FAXC: variants seen among roughly 807,000 people sequenced by gnomAD.
The protein encoded by FAXC is failed axon connections homolog, metaxin like GST domain containing.
Under a neutral mutation model 41.9 loss-of-function variants are expected in FAXC, and 10 were observed. That is an observed-to-expected ratio of 0.24 (90% CI 0.15 to 0.41). The LOEUF is 0.41. Ranked by LOEUF, FAXC falls within the 10% of genes least tolerant of loss-of-function variation. The pLI is 1.00. For missense variants in FAXC, 399 were observed against 510.9 expected (o/e 0.78, Z 2.11); for synonymous variants, 183 against 183.8 (o/e 1.00, Z 0.03).
At chr6:99,293,385 C>T (rs912812837) in intron 4 of FAXC, among the ~76,000 whole-genome samples, 1 of 152,210 alleles carries the variant, frequency 6.6e-6, no homozygotes, top group African/African-American at 2.4e-5. Context: ...CACCACTTCT[C>T]TCGAATCAAT....
chr6:99,298,174 G>C (rs1484822674), intron 4 of FAXC, among the ~76,000 whole-genome samples: 1 of 152,038 alleles, frequency 6.6e-6, no homozygotes, highest in East Asian at 1.9e-4. Flanking sequence ...GAAGTACTGG[G>C]CTAGAGTATA....
chr6:99,313,501 A>C (rs879795614), intron 4 of FAXC, among the ~76,000 whole-genome samples: 1 of 152,054 alleles, frequency 6.6e-6, no homozygotes, highest in Non-Finnish European at 1.5e-5. Context: ...TACCCTTTCA[A>C]CTTTAAATAT....
chr6:99,345,223 G>A (rs748825794), intron 1 of FAXC, among the ~76,000 whole-genome samples: 1 of 152,178 alleles, frequency 6.6e-6, no homozygotes, highest in Non-Finnish European at 1.5e-5. Flanking sequence ...ACTGAAGCCT[G>A]AAACTTTCTG....
At chr6:99,336,241 AT>A (rs113973057) in intron 2 of FAXC, among the ~76,000 whole-genome samples, 8 of 151,334 alleles carry the variant, frequency 5.3e-5, no homozygotes, top group East Asian at 1.9e-4. Context: ...AAAAATGTTG[AT>A]TTTTTTTCTT....
At chr6:99,322,395 C>T in intron 4 of FAXC, among the ~76,000 whole-genome samples, 1 of 152,186 alleles carries the variant, frequency 6.6e-6, no homozygotes, top group East Asian at 1.9e-4. Context: ...GGCCTCTACC[C>T]AGCATGGCTT....
intron 4 of FAXC, among the ~76,000 whole-genome samples, chr6:99,304,024 G>A (rs1011976531): frequency 1.3e-5 from 2 of 152,214 alleles, no homozygotes; most frequent in Non-Finnish European, 1.5e-5. Context: ...GCTCATGCCT[G>A]TAATCCCAAC....
chr6:99,320,634 A>G (rs1191156850), intron 4 of FAXC, among the ~76,000 whole-genome samples: 1 of 152,206 alleles, frequency 6.6e-6, no homozygotes, highest in African/African-American at 2.4e-5. Flanking sequence ...TCTGTATTAT[A>G]AAGTATACAT....
rs1771140968 is a variant in FAXC, at chr6:99,289,260, T to C, written c.940+2444A>G. Among the ~76,000 whole-genome samples the C allele has an allele frequency of 2.0e-5, 3 of 152,176 alleles. No homozygotes were observed. The South Asian group carries it at 6.2e-4, about 31-fold the overall frequency. On this transcript the variant is annotated intron_variant, in intron 5 of 5. Transcript: ENST00000389677. ...GCCTCAAACAGTTCCCATGCAACTA[T>C]GCAGGGGAAGCCTCTCCCAGAGGCC...
intron 4 of FAXC, among the ~76,000 whole-genome samples, chr6:99,314,873 C>A (rs760804955): frequency 1.2e-4 from 18 of 152,080 alleles, no homozygotes; most frequent in Non-Finnish European, 2.2e-4. Flanking sequence ...CACTGTCCCA[C>A]CCTTGTTGCC....
At chr6:99,336,370 G>C (rs973756197) in intron 2 of FAXC, among the ~76,000 whole-genome samples, 7 of 151,958 alleles carry the variant, frequency 4.6e-5, no homozygotes, top group African/African-American at 1.7e-4. Context: ...CCAGGTGCTG[G>C]GATTACAGGC....
intron 1 of FAXC, among the ~76,000 whole-genome samples, chr6:99,343,409 T>C (rs112092142): frequency 5.3e-5 from 8 of 152,336 alleles, no homozygotes; most frequent in African/African-American, 1.9e-4. Flanking sequence ...GCTGGATGGA[T>C]AAAAATGATA....
chr6:99,317,404 T>A (rs1772400314), intron 4 of FAXC, among the ~76,000 whole-genome samples: 1 of 152,202 alleles, frequency 6.6e-6, no homozygotes, highest in South Asian at 2.1e-4. Context: ...TAATCAAACG[T>A]ACTTAAAAAT....
chr6:99,280,189 T>G lies in FAXC; in HGVS notation c.*975A>C, dbSNP rs1770775293. 1 of 152,236 alleles carries G rather than the reference T, an allele frequency of 6.6e-6. No individual in the cohort carries two copies. The highest frequency in any genetic ancestry group is 1.5e-5 in the Non-Finnish European group (1 of 68,036). The allele number at this position is 152,236 out of a possible 1,614,324, so 9.4% of individuals were successfully genotyped here. The stretch of plus-strand genomic sequence containing the variant: ...ACATGGTAGAATTGAAGACTGTTTG[T>G]AGCTGTCGATAATTTGTAAAAACAT... On this transcript the variant is annotated 3_prime_UTR_variant, in exon 6 of 6. Coordinates refer to ENST00000389677, the MANE Select transcript of FAXC (RefSeq NM_032511.4).
intron 4 of FAXC, among the ~76,000 whole-genome samples, chr6:99,317,074 G>A (rs1291025372): frequency 6.6e-6 from 1 of 152,030 alleles, no homozygotes; most frequent in Non-Finnish European, 1.5e-5. Flanking sequence ...GAAAAATAAT[G>A]ACTCCGCAAG....
chr6:99,287,496 C>T (rs117223781), intron 5 of FAXC, among the ~76,000 whole-genome samples: 2,223 of 152,238 alleles, frequency 0.015, 44 homozygotes, highest in Non-Finnish European at 0.019. Context: ...TGTCCTCCTG[C>T]TCATCTAACT....
chr6:99,291,656 A>C (rs1386859957), intron 5 of FAXC, 48 bp downstream of exon 5: 4 of 1,355,936 alleles, frequency 2.9e-6, no homozygotes, highest in African/African-American at 1.4e-5. Context: ...CCCACTGCCC[A>C]CCCAGCCCCA....
At chr6:99,340,326 C>G (rs1405857977) in intron 2 of FAXC, among the ~76,000 whole-genome samples, 1 of 152,096 alleles carries the variant, frequency 6.6e-6, no homozygotes, top group South Asian at 2.1e-4. Flanking sequence ...GTCTTGAACT[C>G]CTGACCTCAG....
intron 3 of FAXC, among the ~76,000 whole-genome samples, chr6:99,325,202 A>C (rs925082670): frequency 5.3e-5 from 8 of 152,296 alleles, no homozygotes; most frequent in Non-Finnish European, 1.2e-4. Flanking sequence ...TTTCCACCTC[A>C]AGGGGGAAAA....
At chr6:99,338,007 A>G (rs1248417757) in intron 2 of FAXC, among the ~76,000 whole-genome samples, 1 of 152,182 alleles carries the variant, frequency 6.6e-6, no homozygotes, top group Non-Finnish European at 1.5e-5. Flanking sequence ...TGATCAATCC[A>G]AGAAATGAAC....
Sources: gnomAD v4.1 joint callset for allele counts (sites outside exome capture counted in the v4.1 genomes callset) on GRCh38, gnomAD v4.1.1 for gene constraint, MANE v1.5 for transcripts, NCBI Gene and HGNC (gene_info 2026-07-23, HGNC 2026-07-21) for gene names.